TAF1B: variants seen among roughly 807,000 people sequenced by gnomAD.
The protein encoded by TAF1B is TATA-box binding protein associated factor, RNA polymerase I subunit B, also known as TATA box-binding protein-associated factor RNA polymerase I subunit B.
A neutral mutation model predicts 83.9 loss-of-function variants in TAF1B; 61 were observed. That is an observed-to-expected ratio of 0.73 (90% CI 0.59 to 0.90). The LOEUF is 0.90. Ranked by LOEUF, TAF1B falls within the 40% of genes least tolerant of loss-of-function variation. TAF1B has a pLI of 0.00. For synonymous variants in TAF1B, 221 were observed against 224.6 expected (o/e 0.98, Z 0.14); for missense variants, 625 against 677.0 (o/e 0.92, Z 0.85).
chr2:9,845,748 T>A (rs369384076), intron 2 of TAF1B: 22 of 254,578 alleles, frequency 8.6e-5, no homozygotes, highest in African/African-American at 3.7e-4. Flanking sequence ...TTTGGGAGGC[T>A]AAGGCAGGTG....
rs1665633141 is a variant in TAF1B at position 9,914,758 on chromosome 2, T to C, written c.1271+1509T>C. Among the ~76,000 whole-genome samples the C allele has an allele frequency of 6.6e-6, 1 of 152,184 alleles. No homozygotes were observed. Among genetic ancestry groups the C allele is most frequent in the Non-Finnish European group, 1.5e-5 (1 of 68,034 alleles). ...GTGGAGGCTGTCGAGGGGACCCGTT[T>C]CCAAGGTCCTTCTTCCTAGAGTATG... On this transcript the variant is annotated intron_variant, in intron 12 of 14. Transcript: ENST00000263663. This position sits in a 1 kb window ranked among gnomAD's most constrained non-coding sequence, Gnocchi z 4.3.
chr2:9,905,553 C>T lies in TAF1B; in HGVS notation c.955+547C>T, dbSNP rs148308584. On this transcript the variant is annotated intron_variant, in intron 9 of 14. Coordinates refer to ENST00000263663, the MANE Select transcript of TAF1B (RefSeq NM_005680.3). ...GAATGTAAAAAGAGCCTCACTATAC[C>T]TGGTTCATAGTATACCAACACACAG... Among the ~76,000 whole-genome samples, 13 of 152,278 alleles carry T rather than the reference C, an allele frequency of 8.5e-5. No individual in the cohort carries two copies. In the East Asian group the frequency reaches 1.7e-3, roughly 20 times the overall value.
At chr2:9,911,670 G>A (rs1328215447) in intron 11 of TAF1B, 113 bp downstream of exon 11, 12 of 595,434 alleles carry the variant, frequency 2.0e-5, no homozygotes, top group Non-Finnish European at 3.3e-5. Context: ...ATAAACACAT[G>A]TATACAAATT....
At chr2:9,910,056 A>C (rs181154231) in intron 9 of TAF1B, among the ~76,000 whole-genome samples, 1 of 149,682 alleles carries the variant, frequency 6.7e-6, no homozygotes, top group African/African-American at 2.4e-5. Flanking sequence ...TTACATACTT[A>C]GATTGGGAAG....
In TAF1B at chr2:9,854,353, C is replaced by G; in HGVS notation, c.331C>G (p.Arg111Gly). The stretch of plus-strand genomic sequence containing the variant: ...CGATGTTTTACATAATTTTTGGAAG[C>G]GCTACCTTCAGAAGAGCAAGCAGGC... ...KNDVLHNFWKRYLQKSKQAYC... is the reference protein window; with the variant it reads ...KNDVLHNFWKGYLQKSKQAYC... The change falls in exon 5 of 15, where the codon CGC (arginine) becomes GGC (glycine). Residue 111 changes from arginine (R) to glycine (G), a missense_variant. Coordinates refer to ENST00000263663, the MANE Select transcript of TAF1B (RefSeq NM_005680.3). The G allele has an allele frequency of 6.2e-7, 1 of 1,613,964 alleles. No individual in the cohort carries two copies.
intron 8 of TAF1B, among the ~76,000 whole-genome samples, chr2:9,885,800 A>G (rs938601302): frequency 1.2e-4 from 18 of 147,400 alleles, no homozygotes; most frequent in Non-Finnish European, 2.4e-4. Flanking sequence ...AGAGCTATTC[A>G]CTACTCAAGT....
At chr2:9,906,864 C>T (rs76907210) in intron 9 of TAF1B, among the ~76,000 whole-genome samples, 7 of 152,064 alleles carry the variant, frequency 4.6e-5, no homozygotes, top group Admixed American at 2.0e-4. Context: ...TTAATGGGCA[C>T]GGGGAGTGCA....
intron 9 of TAF1B, among the ~76,000 whole-genome samples, chr2:9,910,201 T>C (rs1356511859): frequency 6.6e-6 from 1 of 152,208 alleles, no homozygotes; most frequent in Non-Finnish European, 1.5e-5. Flanking sequence ...AAGCTAGTGA[T>C]TGGAAAGCTT....
At chr2:9,900,891 G>C (rs1266577601) in intron 8 of TAF1B, among the ~76,000 whole-genome samples, 1 of 152,146 alleles carries the variant, frequency 6.6e-6, no homozygotes, top group African/African-American at 2.4e-5. Context: ...TGTCAAATAG[G>C]CTGTTGAATT....
chr2:9,929,140 T>TG (rs1393512822), intron 14 of TAF1B, among the ~76,000 whole-genome samples: 67 of 148,434 alleles, frequency 4.5e-4, no homozygotes, highest in Admixed American at 9.3e-4. Flanking sequence ...TCATTGGTTC[T>TG]GTTTGTTGTT....
At chr2:9,929,961 G>A (rs754537324) in intron 14 of TAF1B, among the ~76,000 whole-genome samples, 6 of 152,168 alleles carry the variant, frequency 3.9e-5, no homozygotes, top group Non-Finnish European at 7.3e-5. Context: ...AGATTTTCTA[G>A]TTTATTTGCA....
intron 14 of TAF1B, among the ~76,000 whole-genome samples, chr2:9,920,152 A>G (rs562875672): frequency 2.0e-5 from 3 of 152,258 alleles, no homozygotes; most frequent in African/African-American, 7.2e-5. Flanking sequence ...ATGTCTTTCT[A>G]CCTCTTAATA....
chr2:9,926,596 T>C (rs1293299318), intron 14 of TAF1B, among the ~76,000 whole-genome samples: 1 of 152,114 alleles, frequency 6.6e-6, no homozygotes, highest in Non-Finnish European at 1.5e-5. Context: ...CTCAACACTT[T>C]GGGAGGCTGA....
chr2:9,893,583 G>A (rs1664934145), intron 8 of TAF1B, among the ~76,000 whole-genome samples: 1 of 152,208 alleles, frequency 6.6e-6, no homozygotes, highest in South Asian at 2.1e-4. Flanking sequence ...AGCTACTAGG[G>A]AGGCTGAAGT....
At chr2:9,854,612 C>T (rs1446171813) in intron 5 of TAF1B, among the ~76,000 whole-genome samples, 191 bp downstream of exon 5, 3 of 152,178 alleles carry the variant, frequency 2.0e-5, no homozygotes, top group African/African-American at 7.2e-5. Context: ...TTTTTCTTCA[C>T]TTTTTTCCTG....
chr2:9,927,126 T>C lies in TAF1B; in HGVS notation c.1566-6657T>C, dbSNP rs1210267721. 2.8e-5 allele frequency among the ~76,000 whole-genome samples: 4 copies of C among 145,384 alleles called. No homozygotes were observed. In the Admixed American group the frequency reaches 2.9e-4, roughly 10 times the overall value. On this transcript the variant is annotated intron_variant, in intron 14 of 14. Coordinates refer to ENST00000263663, the MANE Select transcript of TAF1B (RefSeq NM_005680.3). ...ATGAGTGAGAACATATGGTGTTTGG[T>C]TTTCTGTCCTTGTGATAGTTTGCTC...
chr2:9,851,879 G>T (rs1212776197), intron 4 of TAF1B: 2 of 631,434 alleles, frequency 3.2e-6, no homozygotes, highest in Non-Finnish European at 6.0e-6. Flanking sequence ...AGATACTTAG[G>T]AAACAACAGG....
chr2:9,892,464 A>G (rs948635238), intron 8 of TAF1B, among the ~76,000 whole-genome samples: 3 of 152,160 alleles, frequency 2.0e-5, no homozygotes, highest in African/African-American at 7.2e-5. Context: ...CCCTTTGACC[A>G]ACAACTCCGC....
At chr2:9,896,620 C>CAAAAAAAAAAA (rs71391108) in intron 8 of TAF1B, among the ~76,000 whole-genome samples, 6 of 66,534 alleles carry the variant, frequency 9.0e-5, no homozygotes, top group South Asian at 6.1e-4. Context: ...ATCTAAAAAC[C>CAAAAAAAAAAA]AAAAAAAAAA....
Sources: gnomAD v4.1 joint callset for allele counts (sites outside exome capture counted in the v4.1 genomes callset) on GRCh38, gnomAD v4.1.1 for gene constraint, Gnocchi (gnomAD v3.1) non-coding constraint, MANE v1.5 for transcripts, NCBI Gene and HGNC (gene_info 2026-07-23, HGNC 2026-07-21) for gene names.